The following GALNTL6 variants were observed in gnomAD, a reference collection of about 807,000 sequenced individuals.
GALNTL6 encodes polypeptide N-acetylgalactosaminyltransferase-like 6.
In GALNTL6, 46 loss-of-function variants were observed where a neutral mutation model predicts 73.7. The ratio of observed to expected loss-of-function variants is 0.62; its 90% CI spans 0.49 to 0.80. GALNTL6 has a LOEUF of 0.80. GALNTL6 is among the 30% of genes least tolerant of loss of function. GALNTL6 has a pLI of 0.00. For missense variants in GALNTL6, 604 were observed against 755.0 expected, an observed-to-expected ratio of 0.80 and a Z score of 2.34; for synonymous variants, 259 against 263.7, an observed-to-expected ratio of 0.98 and a Z score of 0.17.
chr4:172,728,549 T>C (rs1214853304), intron 5 of GALNTL6, among the ~76,000 whole-genome samples: 1 of 151,886 alleles, frequency 6.6e-6, no homozygotes, highest in Non-Finnish European at 1.5e-5. Context: ...TGTGTGTATA[T>C]ATATTACATT....
intron 2 of GALNTL6, among the ~76,000 whole-genome samples, chr4:172,186,161 T>C (rs1161602692): frequency 6.6e-6 from 1 of 152,190 alleles, no homozygotes; most frequent in Non-Finnish European, 1.5e-5. Flanking sequence ...CCAGAGAAGA[T>C]ACATGTATGA....
chr4:172,995,375 T>A (rs1296438752), intron 10 of GALNTL6, among the ~76,000 whole-genome samples: 1 of 152,176 alleles, frequency 6.6e-6, no homozygotes, highest in Non-Finnish European at 1.5e-5. Context: ...TCCCACAATC[T>A]GGGAGTGGAA....
At chr4:172,624,090 T>C (rs921122441) in intron 5 of GALNTL6, among the ~76,000 whole-genome samples, 1 of 152,136 alleles carries the variant, frequency 6.6e-6, no homozygotes, top group Non-Finnish European at 1.5e-5. Flanking sequence ...AAATGTGATA[T>C]CCATCTTAGG....
chr4:172,931,907 G>A (rs911930821), intron 9 of GALNTL6, among the ~76,000 whole-genome samples: 5 of 152,072 alleles, frequency 3.3e-5, no homozygotes, highest in Admixed American at 6.6e-5. Flanking sequence ...TTAGGAGAAC[G>A]GACTCACAAT....
intron 2 of GALNTL6, among the ~76,000 whole-genome samples, chr4:172,024,359 A>G (rs1741492304): frequency 6.6e-6 from 1 of 151,816 alleles, no homozygotes; most frequent in African/African-American, 2.4e-5. Flanking sequence ...GGATGAAAAT[A>G]TTATTACTGT....
chr4:172,088,712 G>C (rs1345570036), intron 2 of GALNTL6, among the ~76,000 whole-genome samples: 1 of 152,092 alleles, frequency 6.6e-6, no homozygotes, highest in Non-Finnish European at 1.5e-5. Flanking sequence ...TTCAGAGAAG[G>C]CAACTCTGTT....
At chr4:172,434,807 A>G (rs1731576296) in intron 5 of GALNTL6, among the ~76,000 whole-genome samples, 1 of 152,078 alleles carries the variant, frequency 6.6e-6, no homozygotes, top group African/African-American at 2.4e-5. Context: ...TGTTTACTAC[A>G]TTGCATTGCA....
At chr4:173,031,521 C>T (rs906976680) in intron 12 of GALNTL6, among the ~76,000 whole-genome samples, 35 of 152,048 alleles carry the variant, frequency 2.3e-4, no homozygotes, top group African/African-American at 8.2e-4. Context: ...ATAATAGGTA[C>T]TTAATTCAAA....
At chr4:173,008,758 A>T (rs904016520) in intron 10 of GALNTL6, among the ~76,000 whole-genome samples, 2 of 152,170 alleles carry the variant, frequency 1.3e-5, no homozygotes, top group African/African-American at 2.4e-5. Context: ...GGGTCTTTAA[A>T]CTGGCTGCAG....
chr4:172,421,843 A>G (rs455869), intron 5 of GALNTL6, among the ~76,000 whole-genome samples: 132,079 of 152,070 alleles, frequency 0.87, 57,411 homozygotes, highest in South Asian at 0.89. Flanking sequence ...CCAGACATGC[A>G]TAAAATAGTT....
At chr4:172,062,108 C>A (rs1731222765) in intron 2 of GALNTL6, among the ~76,000 whole-genome samples, 1 of 151,132 alleles carries the variant, frequency 6.6e-6, no homozygotes, top group African/African-American at 2.4e-5. Flanking sequence ...CACCACCATG[C>A]CCAGCTAATT....
intron 5 of GALNTL6, among the ~76,000 whole-genome samples, chr4:172,410,479 A>C (rs1335769542): frequency 6.6e-6 from 1 of 152,108 alleles, no homozygotes; most frequent in South Asian, 2.1e-4. Flanking sequence ...AAGCACTGCC[A>C]TAACACTGCA....
chr4:172,982,254 C>G (rs1313978249), intron 10 of GALNTL6, among the ~76,000 whole-genome samples: 1 of 152,222 alleles, frequency 6.6e-6, no homozygotes, highest in African/African-American at 2.4e-5. Flanking sequence ...TGCAGCTCAG[C>G]AGGCTTCCCA....
chr4:172,453,300 T>C (rs556855742), intron 5 of GALNTL6, among the ~76,000 whole-genome samples: 3 of 152,152 alleles, frequency 2.0e-5, no homozygotes, highest in Non-Finnish European at 4.4e-5. Context: ...AAGTTTTTAG[T>C]TGGGGAACAT....
chr4:172,739,387 G>A (rs1431204823), intron 5 of GALNTL6, among the ~76,000 whole-genome samples: 4 of 152,236 alleles, frequency 2.6e-5, no homozygotes, highest in Non-Finnish European at 4.4e-5. Flanking sequence ...TCATTTGTTT[G>A]CAGGGTCTCA....
intron 2 of GALNTL6, among the ~76,000 whole-genome samples, chr4:172,135,766 T>C (rs1197943421): frequency 1.3e-5 from 2 of 151,476 alleles, no homozygotes; most frequent in Non-Finnish European, 2.9e-5. Context: ...AATACAATAA[T>C]AATCAATATA....
At chr4:172,610,690 G>A (rs1484390595) in intron 5 of GALNTL6, among the ~76,000 whole-genome samples, 3 of 152,058 alleles carry the variant, frequency 2.0e-5, no homozygotes, top group Admixed American at 2.0e-4. Flanking sequence ...TTCTTTAGAT[G>A]TCTGTCAGGT....
intron 5 of GALNTL6, among the ~76,000 whole-genome samples, chr4:172,420,030 C>A (rs1317511019): frequency 6.6e-6 from 1 of 152,152 alleles, no homozygotes; most frequent in South Asian, 2.1e-4. Context: ...TGATTAAAGA[C>A]TAAACTTTGG....
intron 2 of GALNTL6, among the ~76,000 whole-genome samples, chr4:171,970,186 A>G (rs141014653): frequency 4.6e-5 from 7 of 150,948 alleles, no homozygotes; most frequent in African/African-American, 1.7e-4. Context: ...GAATTACCCA[A>G]AATCACCGGC....
Sources: allele counts gnomAD v4.1 joint callset (sites outside exome capture counted in the v4.1 genomes callset), GRCh38; gene constraint gnomAD v4.1.1; transcripts MANE v1.5; gene names NCBI Gene and HGNC (gene_info 2026-07-23, HGNC 2026-07-21).